PIAS1: variants seen among roughly 807,000 people sequenced by gnomAD.
PIAS1 encodes E3 SUMO-protein ligase PIAS1.
Under a neutral mutation model 71.3 loss-of-function variants are expected in PIAS1, and 6 were observed. That is an observed-to-expected ratio of 0.08 (90% confidence interval 0.05 to 0.17). PIAS1 has a LOEUF of 0.17. Among genes scored for constraint, PIAS1 ranks in the 10% least tolerant of loss-of-function variants. PIAS1 has a pLI of 1.00. For synonymous variants in PIAS1, 303 were observed against 292.9 expected (o/e 1.03, Z -0.35); for missense variants, 555 against 793.6 (o/e 0.70, Z 3.61).
chr15:68,183,589 C>T, intron 12 of PIAS1, 41 bp from the exon 13 acceptor site: 1 of 854,582 alleles, frequency 1.2e-6, no homozygotes, highest in Non-Finnish European at 1.9e-6. Context: ...AGAGTTTTTC[C>T]TTCTTTTTTT....
chr15:68,137,412 T>A (rs1183595183), intron 2 of PIAS1, among the ~76,000 whole-genome samples: 1 of 152,126 alleles, frequency 6.6e-6, no homozygotes, highest in Non-Finnish European at 1.5e-5. Flanking sequence ...TCATATTGTA[T>A]CTATAGTTTG....
intron 1 of PIAS1, among the ~76,000 whole-genome samples, chr15:68,083,315 G>T (rs1046530686): frequency 6.6e-6 from 1 of 152,130 alleles, no homozygotes; most frequent in Admixed American, 6.6e-5. Flanking sequence ...AGATGCTTCA[G>T]TGTTTCCCGC....
chr15:68,139,441 A>C (rs1325344148), intron 2 of PIAS1, among the ~76,000 whole-genome samples: 2 of 152,248 alleles, frequency 1.3e-5, no homozygotes, highest in Non-Finnish European at 2.9e-5. Context: ...TTAGCAAAGT[A>C]CTTGTACATA....
chr15:68,084,862 T>C (rs1419171970), intron 1 of PIAS1, among the ~76,000 whole-genome samples: 1 of 152,140 alleles, frequency 6.6e-6, no homozygotes, highest in Non-Finnish European at 1.5e-5. Flanking sequence ...AAAGTGGCCT[T>C]TGTAAAAATA....
At chr15:68,070,202 C>G (rs1161288053) in intron 1 of PIAS1, among the ~76,000 whole-genome samples, 1 of 152,122 alleles carries the variant, frequency 6.6e-6, no homozygotes. Flanking sequence ...GCATTCTTTT[C>G]TCCTACAAAG....
chr15:68,058,200 C>T (rs2091917069), intron 1 of PIAS1, among the ~76,000 whole-genome samples: 2 of 152,324 alleles, frequency 1.3e-5, no homozygotes, highest in Non-Finnish European at 1.5e-5. Flanking sequence ...TTCAAAACAA[C>T]AACCAAAAAC....
intron 1 of PIAS1, among the ~76,000 whole-genome samples, chr15:68,058,004 T>A (rs1597107614): frequency 6.6e-6 from 1 of 152,360 alleles, no homozygotes; most frequent in East Asian, 1.9e-4. Context: ...CTTGGGTGTC[T>A]CCTGGTGAAC....
intron 1 of PIAS1, among the ~76,000 whole-genome samples, chr15:68,059,321 C>T (rs2091932280): frequency 6.6e-6 from 1 of 151,998 alleles, no homozygotes; most frequent in Non-Finnish European, 1.5e-5. Flanking sequence ...AGATTATTCT[C>T]CTTTTTTTGC....
Position 68,178,661 on chromosome 15 carries a change from A to G in PIAS1, c.1481+2007A>G, listed in dbSNP as rs531605773. 8.7e-4 allele frequency among the ~76,000 whole-genome samples: 132 copies of G among 152,312 alleles called. No homozygotes were observed. Among genetic ancestry groups the G allele is most frequent in the African/African-American group, 2.9e-3 (121 of 41,566 alleles). On this transcript the variant is annotated intron_variant, in intron 11 of 13. Transcript: ENST00000249636. This position sits in a 1 kb window ranked among gnomAD's most constrained non-coding sequence, Gnocchi z 4.2. ...AGTGCCATAATCACAATTTTAAAAG[A>G]TATTTCATAAACCTCTGGATATATA... is the stretch of plus-strand genomic sequence containing the variant.
chr15:68,182,554 G>A (rs1284864539), intron 12 of PIAS1, among the ~76,000 whole-genome samples: 3 of 150,124 alleles, frequency 2.0e-5, no homozygotes, highest in Admixed American at 6.7e-5. Context: ...GGAGTGCAAT[G>A]GCGCGACAGG....
At chr15:68,130,047 A>AG (rs1273147587) in intron 2 of PIAS1, among the ~76,000 whole-genome samples, 4 of 152,004 alleles carry the variant, frequency 2.6e-5, no homozygotes, top group Non-Finnish European at 2.9e-5. Context: ...GTTCATTTTG[A>AG]GGGGGGGAAG....
At chr15:68,072,428 AG>A (rs1241494863) in intron 1 of PIAS1, among the ~76,000 whole-genome samples, 74 of 146,076 alleles carry the variant, frequency 5.1e-4, no homozygotes, top group African/African-American at 1.7e-3. Flanking sequence ...AAAAAAAAAA[AG>A]AGTTATGGGA....
At chr15:68,182,107 C>A (rs1376892281) in intron 12 of PIAS1, among the ~76,000 whole-genome samples, 1 of 151,806 alleles carries the variant, frequency 6.6e-6, no homozygotes, top group Non-Finnish European at 1.5e-5. Context: ...TGAATTTGAT[C>A]CTTCTTAAAA....
intron 2 of PIAS1, among the ~76,000 whole-genome samples, chr15:68,126,501 G>A (rs2092651492): frequency 6.6e-6 from 1 of 152,206 alleles, no homozygotes; most frequent in Non-Finnish European, 1.5e-5. Flanking sequence ...GGAGTACAGT[G>A]TTGGAATCTT....
intron 2 of PIAS1, among the ~76,000 whole-genome samples, chr15:68,093,164 A>C (rs1227011893): frequency 1.3e-5 from 2 of 152,192 alleles, no homozygotes; most frequent in Non-Finnish European, 2.9e-5. Flanking sequence ...CTTCATTGGC[A>C]TTTTTTAAAT....
intron 1 of PIAS1, among the ~76,000 whole-genome samples, chr15:68,085,876 T>G (rs566748708): frequency 6.6e-6 from 1 of 152,320 alleles, no homozygotes; most frequent in South Asian, 2.1e-4. Flanking sequence ...ATGGACTGTT[T>G]GTTGTTTCAT....
intron 7 of PIAS1, among the ~76,000 whole-genome samples, chr15:68,163,805 A>G (rs551798261): frequency 6.6e-6 from 1 of 152,156 alleles, no homozygotes; most frequent in Non-Finnish European, 1.5e-5. Context: ...CAGCTACCCA[A>G]CTTACGGCCC....
chr15:68,120,449 T>C (rs747589402), intron 2 of PIAS1, among the ~76,000 whole-genome samples: 13 of 152,184 alleles, frequency 8.5e-5, no homozygotes, highest in Non-Finnish European at 1.8e-4. Flanking sequence ...TTTTTAATGA[T>C]TCAATTTTTG....
intron 1 of PIAS1, among the ~76,000 whole-genome samples, chr15:68,081,321 A>G (rs543899417): frequency 6.6e-6 from 1 of 152,188 alleles, no homozygotes; most frequent in Non-Finnish European, 1.5e-5. Context: ...GTGATCAGAC[A>G]AAAGGAAGCA....
Sources: allele counts gnomAD v4.1 joint callset (sites outside exome capture counted in the v4.1 genomes callset), GRCh38; gene constraint gnomAD v4.1.1; non-coding constraint Gnocchi (gnomAD v3.1); transcripts MANE v1.5; gene names NCBI Gene and HGNC (gene_info 2026-07-23, HGNC 2026-07-21).